GHR: variants seen among roughly 807,000 people sequenced by gnomAD.
The protein encoded by GHR is GH receptor.
In GHR, 35 loss-of-function variants were observed where a neutral mutation model predicts 67.1. The observed-to-expected ratio is 0.52, with a 90% CI of 0.40 to 0.69. The LOEUF is 0.69. Among genes scored for constraint, GHR ranks in the 30% least tolerant of loss-of-function variants. GHR has a pLI of 0.00. For synonymous variants in GHR, 272 were observed against 269.1 expected (o/e 1.01, Z -0.10); for missense variants, 792 against 764.6 (o/e 1.04, Z -0.42).
chr5:42,579,425 C>G (rs1440060808), intron 2 of GHR, among the ~76,000 whole-genome samples: 1 of 152,184 alleles, frequency 6.6e-6, no homozygotes, highest in East Asian at 1.9e-4. Context: ...TACAATTTGA[C>G]CAATTCCATG....
intron 1 of GHR, among the ~76,000 whole-genome samples, chr5:42,509,727 CTTTT>C (rs78991290): frequency 2.1e-5 from 3 of 140,930 alleles, no homozygotes; most frequent in Non-Finnish European, 3.1e-5. Context: ...GGCCTCAAAC[CTTTT>C]TTTTTTTTTT....
At chr5:42,427,179 T>C (rs1742889853) in intron 1 of GHR, among the ~76,000 whole-genome samples, 1 of 152,226 alleles carries the variant, frequency 6.6e-6, no homozygotes, top group South Asian at 2.1e-4. Flanking sequence ...AAGATGCCCT[T>C]GATTGTACAT....
chr5:42,542,791 A>T (rs1186284738), intron 1 of GHR, among the ~76,000 whole-genome samples: 1 of 151,206 alleles, frequency 6.6e-6, no homozygotes, highest in African/African-American at 2.4e-5. Context: ...AGCCACCCCT[A>T]CCCCCTCCTC....
intron 1 of GHR, among the ~76,000 whole-genome samples, chr5:42,547,419 T>G (rs1256096121): frequency 6.6e-6 from 1 of 152,216 alleles, no homozygotes; most frequent in East Asian, 1.9e-4. Context: ...GTCATGATTG[T>G]TCTAACTGTG....
chr5:42,479,520 T>C (rs1056073697), intron 1 of GHR, among the ~76,000 whole-genome samples: 1 of 152,182 alleles, frequency 6.6e-6, no homozygotes, highest in East Asian at 1.9e-4. Context: ...GGTCCTGGAC[T>C]TTTTTTGGTT....
At chr5:42,688,003 A>G (rs1356911758) in intron 3 of GHR, among the ~76,000 whole-genome samples, 5 of 152,358 alleles carry the variant, frequency 3.3e-5, no homozygotes, top group African/African-American at 1.2e-4. Context: ...CTAAATTCCT[A>G]ACACATGAGA....
At chr5:42,474,337 G>GAAAGAAAGAAAGAAAA (rs1280195955) in intron 1 of GHR, among the ~76,000 whole-genome samples, 1 of 41,786 alleles carries the variant, frequency 2.4e-5, no homozygotes, top group Admixed American at 2.4e-4. Context: ...AAGAAAGAAA[G>GAAAGAAAGAAAGAAAA]AAAAGAAATA....
chr5:42,467,722 G>A, intron 1 of GHR: 1 of 1,568,650 alleles, frequency 6.4e-7, no homozygotes, highest in Non-Finnish European at 8.8e-7. Flanking sequence ...ACATTCAAAA[G>A]GTTTCTCCCC....
chr5:42,658,437 G>T (rs945028127), intron 3 of GHR, among the ~76,000 whole-genome samples: 1 of 152,216 alleles, frequency 6.6e-6, no homozygotes, highest in Non-Finnish European at 1.5e-5. Flanking sequence ...CAGAAGAGTT[G>T]TGAAGATGGA....
chr5:42,425,072 T>A, intron 1 of GHR: 2 of 927,108 alleles, frequency 2.2e-6, no homozygotes, highest in South Asian at 5.0e-5. Context: ...GAAGTCAGAG[T>A]AGTTTCTGCA....
rs113154075 is a variant in GHR at position 42,638,951 on chromosome 5, C to A, written c.136+9848C>A. Among the ~76,000 whole-genome samples, 1,245 of 152,236 alleles carry A rather than the reference C, an allele frequency of 8.2e-3. 19 individuals carry two copies. Among genetic ancestry groups the A allele is most frequent in the African/African-American group, 0.029 (1,208 of 41,524 alleles). Reference sequence around the variant, plus strand: ...GTTATGTTTGAAGAGGCAACGGAAACGTCACCTTTGTCATTGACCAAAACA... The same window carrying A: ...GTTATGTTTGAAGAGGCAACGGAAAAGTCACCTTTGTCATTGACCAAAACA... On this transcript the variant is annotated intron_variant, in intron 3 of 9. Transcript: ENST00000230882.
chr5:42,676,138 A>G (rs1007730412), intron 3 of GHR, among the ~76,000 whole-genome samples: 2 of 151,960 alleles, frequency 1.3e-5, no homozygotes, highest in Non-Finnish European at 2.9e-5. Flanking sequence ...TACAAAAATT[A>G]CCTGGGCATG....
chr5:42,641,100 A>T (rs1384857269), intron 3 of GHR, among the ~76,000 whole-genome samples: 2 of 152,176 alleles, frequency 1.3e-5, no homozygotes, highest in African/African-American at 2.4e-5. Flanking sequence ...ATTGTTTGGC[A>T]CTTGGTAAAA....
intron 8 of GHR, among the ~76,000 whole-genome samples, chr5:42,715,424 C>T (rs1032215151): frequency 6.6e-6 from 1 of 152,292 alleles, no homozygotes; most frequent in Admixed American, 6.5e-5. Flanking sequence ...TCTGAGTCCA[C>T]AATTCATTAT....
intron 1 of GHR, among the ~76,000 whole-genome samples, chr5:42,456,083 C>G (rs562333875): frequency 5.7e-4 from 87 of 152,292 alleles, no homozygotes; most frequent in African/African-American, 2.0e-3. Context: ...GAGGCAGATA[C>G]GGGCAGATCA....
intron 1 of GHR, among the ~76,000 whole-genome samples, chr5:42,522,139 T>C (rs761628157): frequency 5.2e-4 from 79 of 152,290 alleles, no homozygotes; most frequent in Non-Finnish European, 9.9e-4. Flanking sequence ...CATTATTCTG[T>C]TAAAGGGACA....
At chr5:42,623,959 G>A (rs1377923952) in intron 2 of GHR, among the ~76,000 whole-genome samples, 1 of 152,128 alleles carries the variant, frequency 6.6e-6, no homozygotes, top group Non-Finnish European at 1.5e-5. Context: ...TGGCTCTGAT[G>A]CTAATTAAAA....
chr5:42,425,798 T>G (rs1246699468), intron 1 of GHR, among the ~76,000 whole-genome samples: 1 of 152,210 alleles, frequency 6.6e-6, no homozygotes, highest in Non-Finnish European at 1.5e-5. Context: ...CTAAGGAAAG[T>G]TGGTGTGTCA....
At chr5:42,686,066 T>C (rs1266640671) in intron 3 of GHR, among the ~76,000 whole-genome samples, 1 of 152,236 alleles carries the variant, frequency 6.6e-6, no homozygotes. Flanking sequence ...AGGGTTTTTA[T>C]GGTTTTGGGT....
Sources: allele counts gnomAD v4.1 joint callset (sites outside exome capture counted in the v4.1 genomes callset), GRCh38; gene constraint gnomAD v4.1.1; transcripts MANE v1.5; gene names NCBI Gene and HGNC (gene_info 2026-07-23, HGNC 2026-07-21).